The following KCNG3 variants were observed in gnomAD, a reference collection of about 807,000 sequenced individuals.
The protein encoded by KCNG3 is potassium voltage-gated channel modifier subfamily G member 3.
In KCNG3, 15 loss-of-function variants were observed where a neutral mutation model predicts 29.0. That is an observed-to-expected ratio of 0.52 (90% confidence interval 0.35 to 0.80). The LOEUF (loss-of-function observed/expected upper bound fraction) is 0.80, where lower values mean the gene tolerates loss of function less well. KCNG3 is among the 30% of genes least tolerant of loss of function. The pLI is 0.01. For missense variants in KCNG3, 512 were observed against 605.7 expected (o/e 0.85, Z 1.62); for synonymous variants, 322 against 248.9 (o/e 1.29, Z -2.76).
At chr2:42,477,154 T>C (rs1673447107) in intron 1 of KCNG3, among the ~76,000 whole-genome samples, 1 of 143,690 alleles carries the variant, frequency 7.0e-6, no homozygotes, top group South Asian at 2.2e-4. Context: ...ATTACGCCAC[T>C]GCACTCCAGC....
intron 1 of KCNG3, among the ~76,000 whole-genome samples, chr2:42,450,319 G>A (rs1009420599): frequency 6.6e-6 from 1 of 152,172 alleles, no homozygotes; most frequent in Non-Finnish European, 1.5e-5. Flanking sequence ...GGATGAATCA[G>A]TGAGAAACCC....
Position 42,443,997 on chromosome 2 carries a change from A to G in KCNG3, c.1248T>C (p.Tyr416=). 7 of 1,614,218 alleles carry G rather than the reference A, an allele frequency of 4.3e-6. No homozygotes were observed. The South Asian group carries it at 7.7e-5, about 18-fold the overall frequency. The change falls in exon 2 of 2, where the codon TAT becomes TAC. Residue 416 remains tyrosine, a synonymous_variant. Transcript: ENST00000306078. ...TAGCAGATCTAAACTTGAGCTCATG[A>G]TAACACTGCACAAAGCTATGGTAGA... ...TFIYHSFVQC[Y]HELKFRSARY... is the part of the protein sequence containing the mutation.
chr2:42,479,966 T>A (rs1336053934), intron 1 of KCNG3, among the ~76,000 whole-genome samples: 1 of 152,014 alleles, frequency 6.6e-6, no homozygotes, highest in Non-Finnish European at 1.5e-5. Flanking sequence ...GAGCTGAGAT[T>A]GCATGCACCA....
At chr2:42,476,622 G>C (rs1031833384) in intron 1 of KCNG3, among the ~76,000 whole-genome samples, 5 of 151,770 alleles carry the variant, frequency 3.3e-5, no homozygotes, top group Admixed American at 2.0e-4. Context: ...AAGTAGCTGG[G>C]GTTATAGGCG....
At chr2:42,473,826 C>T (rs2103713794) in intron 1 of KCNG3, among the ~76,000 whole-genome samples, 1 of 152,192 alleles carries the variant, frequency 6.6e-6, no homozygotes, top group Admixed American at 6.5e-5. Flanking sequence ...AAAGCATTTG[C>T]TGTAATGACT....
chr2:42,397,270 C>T, the KCNG3 span, among the ~76,000 whole-genome samples: 1 of 150,922 alleles, frequency 6.6e-6, no homozygotes, highest in Non-Finnish European at 1.5e-5. Context: ...AAAAAAAAAG[C>T]AATGAGAAAA....
intron 1 of KCNG3, among the ~76,000 whole-genome samples, chr2:42,457,499 AAGAG>A (rs1352295685): frequency 6.6e-6 from 1 of 151,830 alleles, no homozygotes; most frequent in Non-Finnish European, 1.5e-5. Context: ...TTCAAAAAAA[AAGAG>A]AGAAGTAACT....
chr2:42,448,685 C>T (rs956130733), intron 1 of KCNG3, among the ~76,000 whole-genome samples: 6 of 152,168 alleles, frequency 3.9e-5, no homozygotes, highest in South Asian at 2.1e-4. Context: ...ATACAGTATT[C>T]GCAGGAAGTA....
chr2:42,439,701 C>T (rs572231759), downstream of KCNG3, among the ~76,000 whole-genome samples: 28 of 151,120 alleles, frequency 1.9e-4, no homozygotes, highest in African/African-American at 6.1e-4. Flanking sequence ...GGGTGGAGTG[C>T]AAAGGCGCGA....
At position 42,493,370 on chromosome 2, in the gene KCNG3, C is replaced by T; in HGVS notation, c.132G>A (p.Glu44=). 3.2e-6 allele frequency: 5 copies of T among 1,564,268 alleles called. No homozygotes were observed. Among genetic ancestry groups the T allele is most frequent in the Non-Finnish European group, 4.3e-6 (5 of 1,154,704 alleles). ...RVSRLHGCRS[E]RDVLEVCDDY... Reference sequence around the variant, plus strand: ...CGTCGCACACCTCGAGCACGTCGCGCTCGGAGCGGCAGCCGTGCAGCCGGC... The same window carrying T: ...CGTCGCACACCTCGAGCACGTCGCGTTCGGAGCGGCAGCCGTGCAGCCGGC... The change falls in exon 1 of 2, where the codon GAG becomes GAA. Residue 44 remains glutamate, a synonymous_variant. Transcript: ENST00000306078.
chr2:42,426,857 G>GT, the KCNG3 span, among the ~76,000 whole-genome samples: 1 of 152,160 alleles, frequency 6.6e-6, no homozygotes, highest in African/African-American at 2.4e-5. Flanking sequence ...TTTAAGGCAA[G>GT]TATCTTTATC....
In KCNG3 at chr2:42,493,100, C is replaced by T. The variant is rs1673950789; in HGVS notation, c.402G>A (p.Val134=). The change falls in exon 1 of 2, where the codon GTG becomes GTA. Residue 134 remains valine, a synonymous_variant. Coordinates refer to ENST00000306078, the MANE Select transcript of KCNG3 (RefSeq NM_133329.6). ...YTFYSADEPG[V]LGRDEARPGG... is the part of the protein sequence containing the mutation. ...CGGGGCGCGCCTCGTCGCGGCCCAG[C>T]ACGCCCGGCTCGTCGGCCGAGTAGA... 1 of 1,584,294 alleles carries T rather than the reference C, an allele frequency of 6.3e-7. No individual in the cohort carries two copies. The highest frequency in any genetic ancestry group is 8.5e-7 in the Non-Finnish European group (1 of 1,169,764).
intron 1 of KCNG3, among the ~76,000 whole-genome samples, chr2:42,476,302 T>C (rs1046859961): frequency 6.7e-6 from 1 of 149,662 alleles, no homozygotes; most frequent in African/African-American, 2.5e-5. Context: ...AGAAACCCAG[T>C]CTCTACAAAA....
intron 1 of KCNG3, among the ~76,000 whole-genome samples, chr2:42,460,319 C>G (rs1258057348): frequency 1.3e-5 from 2 of 152,218 alleles, no homozygotes; most frequent in Non-Finnish European, 2.9e-5. Flanking sequence ...CCACTGCACT[C>G]CAGCCTGGGC....
intron 1 of KCNG3, among the ~76,000 whole-genome samples, chr2:42,475,076 A>G (rs1375639175): frequency 1.3e-5 from 2 of 152,212 alleles, no homozygotes; most frequent in Non-Finnish European, 2.9e-5. Context: ...ACAAAGGTTT[A>G]AAAGGACCTA....
chr2:42,483,399 G>A (rs1673640326), intron 1 of KCNG3, among the ~76,000 whole-genome samples: 1 of 152,188 alleles, frequency 6.6e-6, no homozygotes, highest in Non-Finnish European at 1.5e-5. Context: ...ACACCAATTT[G>A]CAAGGATATG....
At chr2:42,490,214 C>G (rs1479416360) in intron 1 of KCNG3, among the ~76,000 whole-genome samples, 1 of 152,080 alleles carries the variant, frequency 6.6e-6, no homozygotes, top group Non-Finnish European at 1.5e-5. Context: ...CTTAAAAAAT[C>G]TCTTTTATTT....
intron 1 of KCNG3, among the ~76,000 whole-genome samples, chr2:42,448,836 G>A (rs1166466904): frequency 6.6e-6 from 1 of 152,074 alleles, no homozygotes; most frequent in Non-Finnish European, 1.5e-5. Flanking sequence ...AAATTAGCCG[G>A]GCGCAGTGGC....
At chr2:42,477,832 T>A (rs999246361) in intron 1 of KCNG3, among the ~76,000 whole-genome samples, 1 of 151,752 alleles carries the variant, frequency 6.6e-6, no homozygotes, top group Non-Finnish European at 1.5e-5. Context: ...TGAGCCAAGA[T>A]CGTGCCACTG....
Sources: allele counts gnomAD v4.1 joint callset (sites outside exome capture counted in the v4.1 genomes callset), GRCh38; gene constraint gnomAD v4.1.1; transcripts MANE v1.5; gene names NCBI Gene and HGNC (gene_info 2026-07-23, HGNC 2026-07-21).